The following DGKH variants were observed in gnomAD, a reference collection of about 807,000 sequenced individuals.
The protein encoded by DGKH is diacylglycerol kinase eta.
Under a neutral mutation model 159.3 loss-of-function variants are expected in DGKH, and 90 were observed. That is an observed-to-expected ratio of 0.57 (90% CI 0.48 to 0.67). DGKH has a LOEUF of 0.67. DGKH is among the 30% of genes least tolerant of loss of function. The pLI, the probability that DGKH is intolerant of heterozygous loss-of-function variation, is 0.00. For missense variants in DGKH, 1,181 were observed against 1,506.1 expected, an observed-to-expected ratio of 0.78 and a Z score of 3.57; for synonymous variants, 536 against 553.8, an observed-to-expected ratio of 0.97 and a Z score of 0.45.
At chr13:42,082,543 T>C (rs2137723054) in intron 1 of DGKH, among the ~76,000 whole-genome samples, 1 of 152,326 alleles carries the variant, frequency 6.6e-6, no homozygotes, top group South Asian at 2.1e-4. Flanking sequence ...TTTTGAACTT[T>C]AGTTTATGGT....
chr13:42,219,543 A>G (rs990316851), intron 27 of DGKH, 143 bp from the exon 28 acceptor site: 11 of 1,169,988 alleles, frequency 9.4e-6, no homozygotes, highest in African/African-American at 1.6e-5. Flanking sequence ...TTAGTAGTAC[A>G]TTGTGAACTT....
intron 1 of DGKH, among the ~76,000 whole-genome samples, chr13:42,081,872 T>G (rs1004210424): frequency 1.1e-4 from 16 of 152,192 alleles, no homozygotes; most frequent in Admixed American, 2.6e-4. Flanking sequence ...GTGTGCTCAT[T>G]GGTATTGAGG....
At chr13:42,111,425 C>T (rs1361652317) in intron 1 of DGKH, among the ~76,000 whole-genome samples, 1 of 152,044 alleles carries the variant, frequency 6.6e-6, no homozygotes, top group Non-Finnish European at 1.5e-5. Flanking sequence ...ACTAAAAATA[C>T]AAAAATTAGC....
At chr13:42,170,275 A>T (rs78295603) in intron 11 of DGKH, among the ~76,000 whole-genome samples, 13,044 of 152,006 alleles carry the variant, frequency 0.086, 822 homozygotes, top group Non-Finnish European at 0.14. Flanking sequence ...CAGTCGGGGG[A>T]GGTGGCTCAC....
intron 29 of DGKH, among the ~76,000 whole-genome samples, chr13:42,227,776 G>A (rs1362488847): frequency 6.6e-6 from 1 of 152,164 alleles, no homozygotes; most frequent in Admixed American, 6.5e-5. Flanking sequence ...ATTCATTACT[G>A]CTAAAGAACT....
intron 1 of DGKH, among the ~76,000 whole-genome samples, chr13:42,083,482 G>A (rs535002770): frequency 1.3e-5 from 2 of 152,314 alleles, no homozygotes; most frequent in South Asian, 4.1e-4. Context: ...TGCAAGTTTG[G>A]GTTATTTTAC....
chr13:42,134,743 C>T (rs1955365586), intron 3 of DGKH, among the ~76,000 whole-genome samples: 1 of 152,176 alleles, frequency 6.6e-6, no homozygotes, highest in Non-Finnish European at 1.5e-5. Flanking sequence ...TGGCTCATGC[C>T]TGTAATCCCA....
At chr13:42,156,196 C>T (rs1186147230) in intron 5 of DGKH, among the ~76,000 whole-genome samples, 2 of 152,068 alleles carry the variant, frequency 1.3e-5, no homozygotes, top group African/African-American at 4.8e-5. Flanking sequence ...TAGGTATCAT[C>T]CTTTTTAATT....
At chr13:42,207,023 C>T (rs1379119738) in intron 21 of DGKH, among the ~76,000 whole-genome samples, 1 of 49,022 alleles carries the variant, frequency 2.0e-5, no homozygotes, top group Non-Finnish European at 4.7e-5. Context: ...TTCTTTCTTT[C>T]TTTTTCTTTC....
At chr13:42,113,579 G>T (rs1954908671) in intron 1 of DGKH, among the ~76,000 whole-genome samples, 1 of 152,188 alleles carries the variant, frequency 6.6e-6, no homozygotes, top group African/African-American at 2.4e-5. Flanking sequence ...CCAGCACAAA[G>T]CCAAGAGTCT....
rs143582945 is a variant in DGKH at position 42,240,734 on chromosome 13, C to G, written c.*11546C>G. On this transcript the variant is annotated 3_prime_UTR_variant, in exon 30 of 30. Transcript: ENST00000337343. ...AACTATTACCTCTGGGCCTGTTTTT[C>G]TTTGGGATTAGATAAAGCCTTTCTA... 6.6e-6 allele frequency: 1 copy of G among 152,140 alleles called. No individual in the cohort carries two copies. The highest frequency in any genetic ancestry group is 1.9e-4 in the East Asian group (1 of 5,202). The allele number at this position is 152,140 out of a possible 1,614,324, so 9.4% of individuals were successfully genotyped here. A position where few individuals can be genotyped will look rare whatever the true frequency, so the allele number is the denominator to read the frequency against.
intron 1 of DGKH, among the ~76,000 whole-genome samples, chr13:42,051,032 A>G (rs118110826): frequency 0.022 from 3,396 of 152,340 alleles, 114 homozygotes; most frequent in Admixed American, 0.095. Context: ...TGTTGGGAGT[A>G]CCACTGTATT....
At chr13:42,126,184 G>C (rs534718230) in intron 1 of DGKH, among the ~76,000 whole-genome samples, 3 of 152,020 alleles carry the variant, frequency 2.0e-5, no homozygotes, top group South Asian at 2.1e-4. Flanking sequence ...ATAAACTCAG[G>C]GACCTTATAT....
chr13:42,145,267 G>C (rs1955696456), intron 3 of DGKH, among the ~76,000 whole-genome samples: 1 of 152,184 alleles, frequency 6.6e-6, no homozygotes, highest in Non-Finnish European at 1.5e-5. Flanking sequence ...TGACAATCTA[G>C]TCAGCAACAG....
intron 1 of DGKH, among the ~76,000 whole-genome samples, chr13:42,060,133 T>C (rs886274062): frequency 1.7e-4 from 25 of 149,154 alleles, no homozygotes; most frequent in Non-Finnish European, 8.9e-5. Flanking sequence ...CTCGAACTCC[T>C]GACCTCAGGT....
chr13:42,128,632 A>T (rs1325181509), intron 2 of DGKH, among the ~76,000 whole-genome samples: 1 of 45,758 alleles, frequency 2.2e-5, no homozygotes, highest in Non-Finnish European at 5.6e-5. Flanking sequence ...TCCTTATTCC[A>T]TGATTCACGA....
chr13:42,097,692 C>T (rs1449995774), intron 1 of DGKH, among the ~76,000 whole-genome samples: 1 of 152,174 alleles, frequency 6.6e-6, no homozygotes, highest in East Asian at 1.9e-4. Flanking sequence ...TCCAGACATT[C>T]TCTGCTGGAC....
chr13:42,121,632 G>A (rs538303932), intron 1 of DGKH, among the ~76,000 whole-genome samples: 3 of 152,288 alleles, frequency 2.0e-5, no homozygotes, highest in Middle Eastern at 3.4e-3. Flanking sequence ...TGACCTTCCT[G>A]TTCATTTTTC....
chr13:42,184,762 G>A (rs1028956960), intron 13 of DGKH, among the ~76,000 whole-genome samples: 2 of 151,990 alleles, frequency 1.3e-5, no homozygotes, highest in African/African-American at 4.8e-5. Flanking sequence ...AGCTACTCAG[G>A]AGGCTAAGCT....
Sources: allele counts gnomAD v4.1 joint callset (sites outside exome capture counted in the v4.1 genomes callset), GRCh38; gene constraint gnomAD v4.1.1; transcripts MANE v1.5; gene names NCBI Gene and HGNC (gene_info 2026-07-23, HGNC 2026-07-21).